The following SELP variants were observed in gnomAD, a reference collection of about 807,000 sequenced individuals.
SELP encodes the protein P-selectin.
A neutral mutation model predicts 104.1 loss-of-function variants in SELP; 92 were observed. That is an observed-to-expected ratio of 0.88 (90% CI 0.75 to 1.05). SELP has a LOEUF of 1.05. SELP is among the 50% of genes least tolerant of loss of function. The pLI, the probability that SELP is intolerant of heterozygous loss-of-function variation, is 0.00. For synonymous variants in SELP, 397 were observed against 364.5 expected, an observed-to-expected ratio of 1.09 and a Z score of -1.01; for missense variants, 1,022 against 1,017.3, an observed-to-expected ratio of 1.00 and a Z score of -0.06.
chr1:169,623,960 G>C (rs1203040323), intron 1 of SELP, among the ~76,000 whole-genome samples: 1 of 152,172 alleles, frequency 6.6e-6, no homozygotes, highest in Non-Finnish European at 1.5e-5. Context: ...TTGAAAATCT[G>C]ATAAAAGCCG....
Position 169,595,981 on chromosome 1 carries a change from C to T in SELP, c.2045G>A (p.Ser682Asn). ...CNAGFTLIGD[S>N]TLSCRPSGQW... The stretch of plus-strand genomic sequence containing the variant: ...TCCTGAAGGTCTGCAGCTGAGAGTG[C>T]TGTCTCCTATGAGTGTGAATCCAGC... The change falls in exon 12 of 17, where the codon AGC becomes AAC. Residue 682 changes from serine (S) to asparagine (N), a missense_variant. Transcript: ENST00000263686. 1 of 1,613,886 alleles carries T rather than the reference C, an allele frequency of 6.2e-7. No individual in the cohort carries two copies. The highest frequency in any genetic ancestry group is 8.5e-7 in the Non-Finnish European group (1 of 1,179,836).
Position 169,621,317 on chromosome 1 carries a change from A to G in SELP, c.4-2098T>C, listed in dbSNP as rs1338198339. ...TGTGGTGTTGTGTGTGTGTTCATGT[A>G]TCATGTCCTGGTGATGGATGATGTA... On this transcript the variant is annotated intron_variant, in intron 1 of 16. Transcript: ENST00000263686. Among the ~76,000 whole-genome samples, 4 of 122,940 alleles carry G rather than the reference A, an allele frequency of 3.3e-5. No homozygotes were observed. In the East Asian group the frequency reaches 7.9e-4, roughly 24 times the overall value. The allele number at this position is 122,940 out of a possible 152,430, so 80.7% of individuals were successfully genotyped here.
chr1:169,626,984 CT>C (rs3216191), intron 1 of SELP, among the ~76,000 whole-genome samples: 6,740 of 146,240 alleles, frequency 0.046, 476 homozygotes, highest in African/African-American at 0.15. Flanking sequence ...TAGTGCGATA[CT>C]TTTTTTTTTT....
chr1:169,628,865 A>C (rs1448822571), intron 1 of SELP, among the ~76,000 whole-genome samples: 30 of 152,214 alleles, frequency 2.0e-4, no homozygotes, highest in Non-Finnish European at 5.9e-5. Flanking sequence ...AACTTAAGAC[A>C]GGCTCAAACT....
chr1:169,603,680 TCC>T (rs1487557753), intron 9 of SELP, among the ~76,000 whole-genome samples: 1 of 152,128 alleles, frequency 6.6e-6, no homozygotes, highest in African/African-American at 2.4e-5. Context: ...AATACTTTCT[TCC>T]CCCTTTCCCA....
chr1:169,621,972 G>A (rs376264850), intron 1 of SELP, among the ~76,000 whole-genome samples: 1 of 152,128 alleles, frequency 6.6e-6, no homozygotes, highest in Non-Finnish European at 1.5e-5. Flanking sequence ...ACTTCCCAAG[G>A]GGTTCACAAG....
At position 169,596,022 on chromosome 1, in the gene SELP, A is replaced by G. The variant is rs985471576; in HGVS notation, c.2004T>C (p.Cys668=). The G allele has an allele frequency of 1.2e-6, 2 of 1,613,864 alleles. No homozygotes were observed. The highest frequency in any genetic ancestry group is 1.7e-6 in the Non-Finnish European group (2 of 1,179,872). ...TGAATCCAGCGTTGCAGCCAAAGTA[A>G]CAAGTGGTATTAAAACCAAAGGTTC... ...HPGTFGFNTT[C]YFGCNAGFTL... The change falls in exon 12 of 17, where the codon TGT becomes TGC. Residue 668 remains cysteine, a synonymous_variant. Coordinates refer to ENST00000263686, the MANE Select transcript of SELP (RefSeq NM_003005.4).
chr1:169,610,303 CA>C (rs1662455277), intron 7 of SELP, among the ~76,000 whole-genome samples: 1 of 152,146 alleles, frequency 6.6e-6, no homozygotes, highest in Non-Finnish European at 1.5e-5. Flanking sequence ...CTTCAGTTGC[CA>C]AGTGAGTGCA....
At chr1:169,612,885 A>G (rs773064317) in intron 5 of SELP, 44 bp downstream of exon 5, 24 of 1,491,066 alleles carry the variant, frequency 1.6e-5, no homozygotes, top group Non-Finnish European at 2.2e-5. Flanking sequence ...CTTCTCCCCC[A>G]AAATTCTATG....
In SELP at chr1:169,613,028, A is replaced by C; in HGVS notation, c.676T>G (p.Cys226Gly). Residue 226 changes from cysteine (C) to glycine (G), a missense_variant, in exon 5 of 17, where the codon TGC (cysteine) becomes GGC (glycine). Transcript: ENST00000263686. ...PLGNFSFNSQ[C>G]SFHCTDGYQV... ...TACCCGTCAGTGCAGTGGAAGCTGC[A>C]CTGCGAGTTAAAAGAGAAGTTTCCC... is the stretch of plus-strand genomic sequence containing the variant. The C allele has an allele frequency of 6.2e-7, 1 of 1,613,948 alleles. No individual in the cohort carries two copies. The highest frequency in any genetic ancestry group is 8.5e-7 in the Non-Finnish European group (1 of 1,179,872).
Position 169,612,266 on chromosome 1 carries a change from C to G in SELP, c.912G>C (p.Val304=). 2 of 1,614,146 alleles carry G rather than the reference C, an allele frequency of 1.2e-6. No individual in the cohort carries two copies. The highest frequency in any genetic ancestry group is 1.7e-6 in the Non-Finnish European group (2 of 1,180,002). ...TCCATACCCCCGAGGCTGTGCATTG[C>G]ACCACTTCCGGTCCAACTAATGCAA... is the stretch of plus-strand genomic sequence containing the variant. The part of the protein sequence containing the change: ...EGFALVGPEV[V]QCTASGVWTA... Residue 304 remains valine, a synonymous_variant, in exon 6 of 17, where the codon GTG becomes GTC. Transcript: ENST00000263686.
In SELP at chr1:169,611,697, A is replaced by G. The variant is rs1336252388; in HGVS notation, c.962-20T>C. ...GCACAGCTGGAGAGAATAACCAAGG[A>G]TAAAGAGAAAGATACTGAGAAAGGA... is the stretch of plus-strand genomic sequence containing the variant. On this transcript the variant is annotated intron_variant, in intron 6 of 16. Transcript: ENST00000263686. 1.9e-6 allele frequency: 3 copies of G among 1,607,646 alleles called. No homozygotes were observed. Among genetic ancestry groups the G allele is most frequent in the South Asian group, 1.1e-5 (1 of 90,730 alleles).
At chr1:169,620,795 T>TTGTGTGTGTGTGTG (rs779947394) in intron 1 of SELP, among the ~76,000 whole-genome samples, 2 of 110,830 alleles carry the variant, frequency 1.8e-5, no homozygotes, top group Non-Finnish European at 3.6e-5. Flanking sequence ...CGGTGTGGGG[T>TTGTGTGTGTGTGTG]TGTGTGTGTG....
At chr1:169,617,503 A>C in intron 2 of SELP, 89 bp from the exon 3 acceptor site, 5 of 1,332,504 alleles carry the variant, frequency 3.8e-6, no homozygotes, top group Non-Finnish European at 5.2e-6. Context: ...ACTCAGATGA[A>C]TTTCCGACCA....
Position 169,594,828 on chromosome 1 carries a change from G to C in SELP, c.2151C>G (p.Cys717Trp). Residue 717 changes from cysteine (C) to tryptophan (W), a missense_variant, in exon 13 of 17, where the codon TGC becomes TGG. Coordinates refer to ENST00000263686, the MANE Select transcript of SELP (RefSeq NM_003005.4). ...LHVNKPIAMNCSNLWGNFSYG... is the reference protein window; with the variant it reads ...LHVNKPIAMNWSNLWGNFSYG... ...AACTGAAGTTTCCCCAGAGGTTGGA[G>C]CAGTTCATCGCTATTGGCTTATTAA... is the stretch of plus-strand genomic sequence containing the variant. The C allele has an allele frequency of 6.2e-7, 1 of 1,613,808 alleles. No homozygotes were observed. The highest frequency in any genetic ancestry group is 8.5e-7 in the Non-Finnish European group (1 of 1,179,762).
intron 1 of SELP, among the ~76,000 whole-genome samples, chr1:169,627,895 T>A (rs1311794336): frequency 6.6e-6 from 1 of 151,724 alleles, no homozygotes; most frequent in African/African-American, 2.4e-5. Context: ...CCACTAAAAC[T>A]TTTTTTTTGT....
At chr1:169,597,885 G>GT (rs1661711699) in intron 10 of SELP, among the ~76,000 whole-genome samples, 1 of 152,086 alleles carries the variant, frequency 6.6e-6, no homozygotes, top group South Asian at 2.1e-4. Context: ...GATTTAACTC[G>GT]TAAAGTCTCT....
intron 10 of SELP, among the ~76,000 whole-genome samples, chr1:169,600,475 C>T (rs1420051520): frequency 6.6e-6 from 1 of 152,176 alleles, no homozygotes; most frequent in African/African-American, 2.4e-5. Context: ...ACCAATTCCC[C>T]CTGCAGATAC....
chr1:169,627,265 C>T (rs1663419453), intron 1 of SELP, among the ~76,000 whole-genome samples: 1 of 152,080 alleles, frequency 6.6e-6, no homozygotes, highest in African/African-American at 2.4e-5. Flanking sequence ...GGTAGCCCAG[C>T]TTAGGGGTGG....
Sources: gnomAD v4.1 joint callset for allele counts (sites outside exome capture counted in the v4.1 genomes callset) on GRCh38, gnomAD v4.1.1 for gene constraint, MANE v1.5 for transcripts, NCBI Gene and HGNC (gene_info 2026-07-23, HGNC 2026-07-21) for gene names.